Variants in UNC5C observed in about 807,000 individuals in gnomAD.
UNC5C encodes the protein netrin receptor UNC5C.
Under a neutral mutation model 99.8 loss-of-function variants are expected in UNC5C, and 47 were observed. The observed-to-expected ratio is 0.47, with a 90% CI of 0.37 to 0.60. The LOEUF is 0.60. Ranked by LOEUF, UNC5C falls within the 20% of genes least tolerant of loss-of-function variation. UNC5C has a pLI of 0.00. For synonymous variants in UNC5C, 487 were observed against 452.2 expected, an observed-to-expected ratio of 1.08 and a Z score of -0.98; for missense variants, 1,062 against 1,165.9, an observed-to-expected ratio of 0.91 and a Z score of 1.30.
At chr4:95,256,898 T>C (rs1195294667) in intron 4 of UNC5C, among the ~76,000 whole-genome samples, 1 of 151,696 alleles carries the variant, frequency 6.6e-6, no homozygotes, top group African/African-American at 2.4e-5. Context: ...GGGAGAAAGA[T>C]GTAGGCTGGG....
chr4:95,190,452 C>T (rs1015700353), intron 12 of UNC5C, among the ~76,000 whole-genome samples: 3 of 152,162 alleles, frequency 2.0e-5, no homozygotes, highest in Non-Finnish European at 4.4e-5. Context: ...AACAAACCTG[C>T]ACATTGTGCA....
At chr4:95,514,681 A>T (rs764643482) in intron 1 of UNC5C, among the ~76,000 whole-genome samples, 8 of 149,702 alleles carry the variant, frequency 5.3e-5, no homozygotes, top group East Asian at 3.9e-4. Flanking sequence ...ATATATATAT[A>T]TTTTTCCTTG....
At chr4:95,203,405 A>G in intron 11 of UNC5C, among the ~76,000 whole-genome samples, 1 of 152,132 alleles carries the variant, frequency 6.6e-6, no homozygotes, top group East Asian at 1.9e-4. Flanking sequence ...ATGACACGTA[A>G]GATACATTTC....
chr4:95,400,232 G>A (rs1415096373), intron 1 of UNC5C, among the ~76,000 whole-genome samples: 7 of 152,006 alleles, frequency 4.6e-5, no homozygotes, highest in Admixed American at 4.6e-4. Flanking sequence ...CCATCATTAG[G>A]TTACATTATA....
chr4:95,378,122 T>G (rs141510318), intron 1 of UNC5C, among the ~76,000 whole-genome samples: 4 of 152,240 alleles, frequency 2.6e-5, no homozygotes, highest in South Asian at 4.1e-4. Context: ...AGTTTATATA[T>G]AGAGAGAGTA....
intron 7 of UNC5C, among the ~76,000 whole-genome samples, chr4:95,238,623 A>G (rs1739213880): frequency 6.6e-6 from 1 of 152,168 alleles, no homozygotes. Flanking sequence ...AATCCTCTCT[A>G]TCTTGATTAC....
intron 1 of UNC5C, among the ~76,000 whole-genome samples, chr4:95,533,609 A>G (rs537688682): frequency 4.6e-5 from 7 of 152,262 alleles, no homozygotes; most frequent in Admixed American, 3.9e-4. Context: ...TGTTTGAATA[A>G]CTTGGCTCTC....
chr4:95,230,781 G>A (rs1434901449), intron 7 of UNC5C, among the ~76,000 whole-genome samples: 3 of 151,592 alleles, frequency 2.0e-5, no homozygotes, highest in Admixed American at 6.6e-5. Context: ...GCTTAAAAAT[G>A]AGACAGATCT....
chr4:95,268,126 T>TA (rs796099224), intron 4 of UNC5C, among the ~76,000 whole-genome samples: 4 of 151,302 alleles, frequency 2.6e-5, no homozygotes, highest in African/African-American at 9.7e-5. Flanking sequence ...ATTTTTTGCA[T>TA]TTTTTTTAGT....
At chr4:95,408,559 A>G (rs1745890418) in intron 1 of UNC5C, among the ~76,000 whole-genome samples, 1 of 152,206 alleles carries the variant, frequency 6.6e-6, no homozygotes, top group Non-Finnish European at 1.5e-5. Flanking sequence ...TTTGTTACCA[A>G]GTATTAAAAA....
intron 12 of UNC5C, among the ~76,000 whole-genome samples, chr4:95,189,744 T>C (rs1210754763): frequency 6.6e-6 from 1 of 152,170 alleles, no homozygotes; most frequent in African/African-American, 2.4e-5. Flanking sequence ...GAAAAAATGC[T>C]CACCATCACT....
intron 2 of UNC5C, among the ~76,000 whole-genome samples, chr4:95,333,285 G>A (rs1275446678): frequency 6.6e-6 from 1 of 151,988 alleles, no homozygotes. Context: ...TGTTTATTGA[G>A]GCATTATTCA....
chr4:95,537,944 A>G (rs1722823873), intron 1 of UNC5C, among the ~76,000 whole-genome samples: 1 of 152,148 alleles, frequency 6.6e-6, no homozygotes, highest in Non-Finnish European at 1.5e-5. Flanking sequence ...AAATTTCTCA[A>G]AGTAGCTCAT....
At chr4:95,332,747 T>C (rs753117299) in intron 2 of UNC5C, among the ~76,000 whole-genome samples, 5,734 of 150,654 alleles carry the variant, frequency 0.038, 152 homozygotes, top group Non-Finnish European at 0.056. Context: ...AAAGAGCTTC[T>C]GCACAGCAAA....
intron 3 of UNC5C, among the ~76,000 whole-genome samples, chr4:95,281,973 AC>A (rs1161362019): frequency 6.6e-6 from 1 of 152,178 alleles, no homozygotes; most frequent in Non-Finnish European, 1.5e-5. Context: ...GTGCCTTCAG[AC>A]AATGCCAAAT....
At chr4:95,169,666 G>GACTT (rs1736009879) in intron 15 of UNC5C, among the ~76,000 whole-genome samples, 1 of 152,158 alleles carries the variant, frequency 6.6e-6, no homozygotes, top group African/African-American at 2.4e-5. Context: ...GAAATCAAGA[G>GACTT]ACTTATGTTT....
intron 3 of UNC5C, among the ~76,000 whole-genome samples, chr4:95,292,253 AT>A (rs1354622718): frequency 0.022 from 3,189 of 145,290 alleles, 105 homozygotes; most frequent in African/African-American, 0.071. Flanking sequence ...ATATATATAT[AT>A]ATATATATAT....
chr4:95,492,713 A>C (rs1560483461), intron 1 of UNC5C, among the ~76,000 whole-genome samples: 1 of 151,562 alleles, frequency 6.6e-6, no homozygotes, highest in Non-Finnish European at 1.5e-5. Flanking sequence ...GCCTGCTGTG[A>C]TGAACTTTAC....
intron 2 of UNC5C, among the ~76,000 whole-genome samples, chr4:95,329,761 C>T (rs528199051): frequency 8.5e-5 from 13 of 152,072 alleles, no homozygotes; most frequent in Non-Finnish European, 1.9e-4. Flanking sequence ...TTAAATCTGT[C>T]TCTTGGTTTT....
Sources: allele counts gnomAD v4.1 joint callset (sites outside exome capture counted in the v4.1 genomes callset), GRCh38; gene constraint gnomAD v4.1.1; transcripts MANE v1.5; gene names NCBI Gene and HGNC (gene_info 2026-07-23, HGNC 2026-07-21).